The following CACNA1C variants were observed in gnomAD, a reference collection of about 807,000 sequenced individuals.
CACNA1C encodes the protein calcium voltage-gated channel subunit alpha1 C, also known as voltage-dependent L-type calcium channel subunit alpha-1C.
Under a neutral mutation model 229.0 loss-of-function variants are expected in CACNA1C, and 30 were observed. The observed-to-expected ratio is 0.13, with a 90% CI of 0.10 to 0.18. CACNA1C has a LOEUF of 0.18. Among genes scored for constraint, CACNA1C ranks in the 10% least tolerant of loss-of-function variants. The pLI, the probability that CACNA1C is intolerant of heterozygous loss-of-function variation, is 1.00. For missense variants in CACNA1C, 1,658 were observed against 2,845.0 expected, an observed-to-expected ratio of 0.58 and a Z score of 9.49; for synonymous variants, 1,114 against 1,132.5, an observed-to-expected ratio of 0.98 and a Z score of 0.33.
At chr12:2,177,491 G>T (rs190703790) in intron 3 of CACNA1C, among the ~76,000 whole-genome samples, 1 of 147,986 alleles carries the variant, frequency 6.8e-6, no homozygotes, top group African/African-American at 2.5e-5. Flanking sequence ...TTCTTTTCTT[G>T]TCTTTCCCTC....
At position 2,054,706 on chromosome 12, in the gene CACNA1C, C is replaced by T. The variant is rs984959122; in HGVS notation, c.49+1095C>T. On this transcript the variant is annotated intron_variant, in intron 1 of 46. Transcript: ENST00000399655. The surrounding 1 kb of genome is among the most constrained non-coding windows in gnomAD (Gnocchi z 5.5). The stretch of plus-strand genomic sequence containing the variant: ...CAGGCATGACATCTCTTTCTTCTCG[C>T]CACTGCTCTGTCTCTTTGGGTGTAG... 2.0e-4 allele frequency among the ~76,000 whole-genome samples: 31 copies of T among 152,218 alleles called. No individual in the cohort carries two copies. The highest frequency in any genetic ancestry group is 8.8e-5 in the Non-Finnish European group (6 of 68,052).
chr12:2,593,424 C>A, intron 19 of CACNA1C, 79 bp downstream of exon 19: 2 of 1,482,234 alleles, frequency 1.3e-6, no homozygotes, highest in East Asian at 2.3e-5. Context: ...TTACCTGAAC[C>A]TCTGGATGGA....
intron 3 of CACNA1C, among the ~76,000 whole-genome samples, chr12:2,143,979 CTG>C (rs1565959286): frequency 1.3e-5 from 2 of 151,306 alleles, no homozygotes; most frequent in East Asian, 1.9e-4. Flanking sequence ...AGCTGCCTGA[CTG>C]TGAATTTATA....
chr12:2,124,076 C>T (rs569316184), intron 3 of CACNA1C, among the ~76,000 whole-genome samples: 9 of 151,542 alleles, frequency 5.9e-5, no homozygotes, highest in Non-Finnish European at 1.0e-4. Context: ...TCCTGCTGTC[C>T]TCCCTCTGGT....
At chr12:1,996,269 T>A (rs2040764883) in intron 1 of CACNA1C, among the ~76,000 whole-genome samples, 1 of 152,170 alleles carries the variant, frequency 6.6e-6, no homozygotes. Context: ...AATAACTTCC[T>A]ACTGCTAAGA....
chr12:1,986,046 C>G (rs2037643579), intron 1 of CACNA1C, among the ~76,000 whole-genome samples: 1 of 152,204 alleles, frequency 6.6e-6, no homozygotes, highest in South Asian at 2.1e-4. Flanking sequence ...ATCTCCTGAC[C>G]TCGTGATCTG....
At chr12:2,478,584 G>A (rs1267033380) in intron 5 of CACNA1C, among the ~76,000 whole-genome samples, 1 of 152,148 alleles carries the variant, frequency 6.6e-6, no homozygotes, top group Non-Finnish European at 1.5e-5. Context: ...TCACTGATAT[G>A]GCCTTTACTA....
At chr12:2,587,715 T>C (rs1350500080) in intron 18 of CACNA1C, among the ~76,000 whole-genome samples, 1 of 152,230 alleles carries the variant, frequency 6.6e-6, no homozygotes, top group Non-Finnish European at 1.5e-5. Context: ...GCTTTCCAGC[T>C]GAAAAGCTCT....
At chr12:2,325,658 A>G (rs1592868224) in intron 3 of CACNA1C, among the ~76,000 whole-genome samples, 2 of 152,374 alleles carry the variant, frequency 1.3e-5, no homozygotes, top group South Asian at 4.1e-4. Context: ...AGGACCATCA[A>G]TAAATATGAG....
At chr12:2,000,941 G>A (rs1190098272) in intron 1 of CACNA1C, among the ~76,000 whole-genome samples, 2 of 152,018 alleles carry the variant, frequency 1.3e-5, no homozygotes, top group East Asian at 3.8e-4. Flanking sequence ...GGAGGCTGAG[G>A]CAGGAGAATA....
chr12:2,497,185 C>T (rs1185107764), intron 7 of CACNA1C, among the ~76,000 whole-genome samples: 1 of 152,268 alleles, frequency 6.6e-6, no homozygotes, highest in Non-Finnish European at 1.5e-5. Context: ...AGGACCTTGT[C>T]GATAGGATTC....
In CACNA1C at chr12:2,029,522, C is replaced by A. The variant is rs60208923; in HGVS notation, c.139+58321C>A. ...TTTTTCACAGAAATGGAATCATGCA[C>A]TAGGTGAACTTTAGTGTCTGGCTTC... On this transcript the variant is annotated intron_variant, in intron 1 of 46. Coordinates refer to the CACNA1C transcript ENST00000682462. The surrounding 1 kb of genome is among the most constrained non-coding windows in gnomAD (Gnocchi z 4.9). 0.087 allele frequency among the ~76,000 whole-genome samples: 13,283 copies of A among 152,246 alleles called. 1,385 individuals are homozygous for A. Among genetic ancestry groups the A allele is most frequent in the East Asian group, 0.56 (2,916 of 5,172 alleles).
At chr12:2,657,826 A>T (rs1044157205) in intron 34 of CACNA1C, among the ~76,000 whole-genome samples, 6 of 152,204 alleles carry the variant, frequency 3.9e-5, no homozygotes, top group Non-Finnish European at 7.4e-5. Flanking sequence ...TAATAATAGC[A>T]GTAGCAGAAG....
chr12:2,606,513 C>G lies in CACNA1C; in HGVS notation c.3157-98C>G, dbSNP rs756733761. 7 of 990,464 alleles carry G rather than the reference C, an allele frequency of 7.1e-6. No individual in the cohort carries two copies. In the South Asian group the frequency reaches 9.7e-5, roughly 14 times the overall value. 61.4% of individuals were successfully genotyped at this position (990,464 alleles called of 1,614,324 possible). A position where few individuals can be genotyped will look rare whatever the true frequency, so the allele number is the denominator to read the frequency against. ...ATTCTGCACTTTTTATCCCACTGTCCCTAGCACAGTGCTGGGCTATGGAGA... is the reference window on the plus strand; with the variant it reads ...ATTCTGCACTTTTTATCCCACTGTCGCTAGCACAGTGCTGGGCTATGGAGA... On this transcript the variant is annotated intron_variant, in intron 24 of 46. Transcript: ENST00000399655.
chr12:2,511,564 A>T (rs180791187), intron 8 of CACNA1C, among the ~76,000 whole-genome samples: 1 of 145,506 alleles, frequency 6.9e-6, no homozygotes, highest in Non-Finnish European at 1.5e-5. Flanking sequence ...AAGATGTCCT[A>T]TGCATGTACA....
chr12:2,168,738 C>A (rs971148442), intron 3 of CACNA1C, among the ~76,000 whole-genome samples: 3 of 152,052 alleles, frequency 2.0e-5, no homozygotes, highest in Non-Finnish European at 2.9e-5. Context: ...GTGGGCCTAG[C>A]AAGAACCCAA....
chr12:2,079,784 CCTT>C (rs1372696952), intron 1 of CACNA1C, among the ~76,000 whole-genome samples: 1 of 152,150 alleles, frequency 6.6e-6, no homozygotes, highest in Admixed American at 6.5e-5. Context: ...AACTCTGAAG[CCTT>C]CTTCCACAGC....
chr12:2,155,615 G>A (rs2095514689), intron 3 of CACNA1C, among the ~76,000 whole-genome samples: 2 of 152,192 alleles, frequency 1.3e-5, no homozygotes, highest in Admixed American at 6.5e-5. Flanking sequence ...ACTTGGGGCT[G>A]TGTCTCACTT....
chr12:2,527,596 C>T (rs1300663275), intron 9 of CACNA1C, among the ~76,000 whole-genome samples: 1 of 152,160 alleles, frequency 6.6e-6, no homozygotes, highest in African/African-American at 2.4e-5. Context: ...TGCACACACA[C>T]CAAACACAGG....
Sources: gnomAD v4.1 joint callset for allele counts (sites outside exome capture counted in the v4.1 genomes callset) on GRCh38, gnomAD v4.1.1 for gene constraint, Gnocchi (gnomAD v3.1) non-coding constraint, MANE v1.5 for transcripts, NCBI Gene and HGNC (gene_info 2026-07-23, HGNC 2026-07-21) for gene names.